The following PPA2 variants were observed in gnomAD, a reference collection of about 807,000 sequenced individuals.
PPA2 encodes the protein inorganic pyrophosphatase 2.
PPA2 carries 48 observed loss-of-function variants against 49.5 expected under a neutral mutation model. The ratio of observed to expected loss-of-function variants is 0.97; its 90% CI spans 0.77 to 1.23. The LOEUF (loss-of-function observed/expected upper bound fraction) is 1.23. Among genes scored for constraint, PPA2 ranks in the 50% most tolerant of loss-of-function variants. PPA2 has a pLI of 0.00. For missense variants in PPA2, 429 were observed against 410.1 expected, an observed-to-expected ratio of 1.05 and a Z score of -0.40; for synonymous variants, 131 against 139.9, an observed-to-expected ratio of 0.94 and a Z score of 0.45.
intron 10 of PPA2, among the ~76,000 whole-genome samples, chr4:105,373,766 T>TAC (rs36109695): frequency 0.33 from 49,461 of 148,170 alleles, 8,160 homozygotes; most frequent in Middle Eastern, 0.4. Context: ...TATATTTAAA[T>TAC]ACACACACAC....
At chr4:105,434,433 A>G (rs1723954893) in intron 6 of PPA2, among the ~76,000 whole-genome samples, 1 of 152,216 alleles carries the variant, frequency 6.6e-6, no homozygotes, top group African/African-American at 2.4e-5. Context: ...GATATTTGGC[A>G]ATATCCTAAG....
At chr4:105,446,242 T>C in intron 5 of PPA2, 141 bp downstream of exon 5, 2 of 846,074 alleles carry the variant, frequency 2.4e-6, no homozygotes, top group Non-Finnish European at 3.4e-6. Flanking sequence ...TAAAACTCCA[T>C]CCACGTTAAT....
chr4:105,460,878 AT>A (rs1723063481), intron 1 of PPA2, among the ~76,000 whole-genome samples: 1 of 133,510 alleles, frequency 7.5e-6, no homozygotes, highest in Non-Finnish European at 1.5e-5. Flanking sequence ...TAGTTTTCTA[AT>A]TGTCATTTGG....
intron 1 of PPA2, among the ~76,000 whole-genome samples, chr4:105,467,497 A>C (rs1041413274): frequency 3.9e-5 from 6 of 152,218 alleles, no homozygotes; most frequent in African/African-American, 1.4e-4. Context: ...TATTTCAAAA[A>C]ATTTTTTGAG....
chr4:105,380,816 CCA>C (rs1733458598), intron 10 of PPA2, among the ~76,000 whole-genome samples: 2 of 151,930 alleles, frequency 1.3e-5, no homozygotes, highest in Admixed American at 1.3e-4. Flanking sequence ...GCTTTTTCAC[CCA>C]GTCTCTTATC....
intron 7 of PPA2, among the ~76,000 whole-genome samples, chr4:105,408,469 G>C (rs980018674): frequency 2.6e-5 from 4 of 152,268 alleles, no homozygotes; most frequent in Middle Eastern, 6.8e-3. Flanking sequence ...TTTTGTGTCA[G>C]GAGGCTAATT....
chr4:105,450,574 C>A lies in PPA2; in HGVS notation c.268-1171G>T, dbSNP rs188700610. 2.4e-4 allele frequency among the ~76,000 whole-genome samples: 33 copies of A among 137,058 alleles called. No homozygotes were observed. In the East Asian group the frequency reaches 6.5e-3, roughly 27 times the overall value. The allele number at this position is 137,058 out of a possible 152,430, so 89.9% of individuals were successfully genotyped here. A position where few individuals can be genotyped will look rare whatever the true frequency, so the allele number is the denominator to read the frequency against. On this transcript the variant is annotated intron_variant, in intron 3 of 11. Transcript: ENST00000341695. The stretch of plus-strand genomic sequence containing the variant: ...TATTCTTAGTAGAGACAGGGTTTCA[C>A]TATGCTGGCCAGGCTGGTCTGGAAT...
Position 105,369,604 on chromosome 4 carries a change from A to T in PPA2, c.*121T>A. The T allele has an allele frequency of 1.1e-6, 1 of 879,078 alleles. No homozygotes were observed. The highest frequency in any genetic ancestry group is 1.8e-6 in the Non-Finnish European group (1 of 543,040). The allele number at this position is 879,078 out of a possible 1,614,324, so 54.5% of individuals were successfully genotyped here. The stretch of plus-strand genomic sequence containing the variant: ...TGTTTATTTATATATTGCATAGCTC[A>T]AAAAGTTTGAAAAAATGAAGTTTTA... On this transcript the variant is annotated 3_prime_UTR_variant, in exon 12 of 12. Coordinates refer to ENST00000341695, the MANE Select transcript of PPA2 (RefSeq NM_176869.3).
At chr4:105,422,372 T>C (rs563839626) in intron 7 of PPA2, among the ~76,000 whole-genome samples, 29 of 152,352 alleles carry the variant, frequency 1.9e-4, no homozygotes, top group Admixed American at 1.9e-3. Context: ...TGCATATCTC[T>C]TCATAAAAGC....
At chr4:105,392,694 G>C (rs1001016843) in intron 9 of PPA2, among the ~76,000 whole-genome samples, 89 of 151,768 alleles carry the variant, frequency 5.9e-4, no homozygotes, top group Non-Finnish European at 1.2e-3. Flanking sequence ...AAAGAAAATG[G>C]TTGGCTTTAA....
At chr4:105,405,540 TATAA>T in intron 7 of PPA2, 2 of 933,382 alleles carry the variant, frequency 2.1e-6, no homozygotes, top group Non-Finnish European at 2.6e-6. Context: ...GTGAAGTACT[TATAA>T]ATATTTATTT....
At chr4:105,406,713 T>C (rs1228809164) in intron 7 of PPA2, among the ~76,000 whole-genome samples, 2 of 152,178 alleles carry the variant, frequency 1.3e-5, no homozygotes, top group Non-Finnish European at 2.9e-5. Flanking sequence ...ACCCTCATTA[T>C]ACTGGGTTTT....
rs563923750 is a variant in PPA2 at position 105,436,371 on chromosome 4, T to C, written c.528+1579A>G. Among the ~76,000 whole-genome samples the C allele has an allele frequency of 9.9e-5, 15 of 152,266 alleles. 1 individual carries two copies. In the South Asian group the frequency reaches 3.1e-3, roughly 32 times the overall value. On this transcript the variant is annotated intron_variant, in intron 6 of 11. Transcript: ENST00000341695. Reference sequence around the variant, plus strand: ...GCTCATGGATTGGAAGAATCAATATTGTTAAAATGCCAATATTGCTCAAAG... The same window carrying C: ...GCTCATGGATTGGAAGAATCAATATCGTTAAAATGCCAATATTGCTCAAAG...
intron 1 of PPA2, among the ~76,000 whole-genome samples, chr4:105,464,763 C>T (rs1010219122): frequency 2.0e-5 from 3 of 152,202 alleles, no homozygotes; most frequent in East Asian, 1.9e-4. Flanking sequence ...CCTTCACCTT[C>T]GGCCATGATT....
chr4:105,395,798 C>T (rs1038648625), intron 9 of PPA2, among the ~76,000 whole-genome samples: 1 of 151,968 alleles, frequency 6.6e-6, no homozygotes, highest in Non-Finnish European at 1.5e-5. Context: ...GGGCTCAGCC[C>T]TATATCCAAA....
intron 6 of PPA2, among the ~76,000 whole-genome samples, chr4:105,430,144 A>G (rs567702096): frequency 6.6e-6 from 1 of 152,368 alleles, no homozygotes; most frequent in Admixed American, 6.5e-5. Context: ...TACATTTAGA[A>G]AACAAGGTAT....
intron 1 of PPA2, among the ~76,000 whole-genome samples, chr4:105,470,666 AAAAT>A (rs1265497352): frequency 1.3e-5 from 2 of 152,374 alleles, no homozygotes; most frequent in East Asian, 1.9e-4. Context: ...TCAAAAGGGA[AAAAT>A]AAATAACATT....
Position 105,369,554 on chromosome 4 carries a change from A to G in PPA2, c.*171T>C. ...TTCTTTTTATATCAATAAATGTCCA[A>G]AGGAGAGTAATTTAAAATTCTTACT... On this transcript the variant is annotated 3_prime_UTR_variant, in exon 12 of 12. Coordinates refer to ENST00000341695, the MANE Select transcript of PPA2 (RefSeq NM_176869.3). 1 of 614,214 alleles carries G rather than the reference A, an allele frequency of 1.6e-6. No individual in the cohort carries two copies. Among genetic ancestry groups the G allele is most frequent in the Admixed American group, 3.0e-5 (1 of 33,606 alleles). 38.0% of individuals were successfully genotyped at this position (614,214 alleles called of 1,614,324 possible).
intron 7 of PPA2, among the ~76,000 whole-genome samples, chr4:105,422,848 C>T (rs1723315259): frequency 6.6e-6 from 1 of 152,158 alleles, no homozygotes; most frequent in Non-Finnish European, 1.5e-5. Flanking sequence ...ATAATATTTT[C>T]ATTTTCATTC....
Sources: allele counts gnomAD v4.1 joint callset (sites outside exome capture counted in the v4.1 genomes callset), GRCh38; gene constraint gnomAD v4.1.1; transcripts MANE v1.5; gene names NCBI Gene and HGNC (gene_info 2026-07-23, HGNC 2026-07-21).